The following LMBR1 variants were observed in gnomAD, a reference collection of about 807,000 sequenced individuals.
LMBR1 encodes limb development membrane protein 1.
LMBR1 carries 52 observed loss-of-function variants against 73.9 expected under a neutral mutation model. That is an observed-to-expected ratio of 0.70 (90% CI 0.56 to 0.89). LMBR1 has a LOEUF of 0.89. Among genes scored for constraint, LMBR1 ranks in the 40% least tolerant of loss-of-function variants. LMBR1 has a pLI of 0.00. For synonymous variants in LMBR1, 215 were observed against 209.4 expected (o/e 1.03, Z -0.23); for missense variants, 539 against 579.8 (o/e 0.93, Z 0.72).
chr7:156,804,164 A>T lies in LMBR1; in HGVS notation c.320-7672T>A, dbSNP rs114320530. ...AGAATAATAATAAAATAAAATAAAA[A>T]AAAGATGGATTTTCTAGAACATTAT... On this transcript the variant is annotated intron_variant, in intron 4 of 16. Transcript: ENST00000353442. Among the ~76,000 whole-genome samples, 144 of 152,248 alleles carry T rather than the reference A, an allele frequency of 9.5e-4. 1 individual carries two copies. Among genetic ancestry groups the T allele is most frequent in the Middle Eastern group, 3.4e-3 (1 of 294 alleles).
intron 1 of LMBR1, among the ~76,000 whole-genome samples, chr7:156,845,745 G>A (rs1839478363): frequency 6.6e-6 from 1 of 151,966 alleles, no homozygotes; most frequent in Non-Finnish European, 1.5e-5. Context: ...GAACTCCTGG[G>A]CTCAAGTGAT....
At chr7:156,763,078 C>T in intron 7 of LMBR1, 30 bp downstream of exon 7, 1 of 1,112,724 alleles carries the variant, frequency 9.0e-7, no homozygotes, top group Non-Finnish European at 1.3e-6. Flanking sequence ...CTCTACTTTT[C>T]TCTTAATATC....
chr7:156,797,679 T>C (rs1830281642), intron 4 of LMBR1, among the ~76,000 whole-genome samples: 3 of 152,210 alleles, frequency 2.0e-5, no homozygotes, highest in Admixed American at 1.3e-4. Context: ...TAATGTCCTT[T>C]GGAATAGCAT....
At chr7:156,797,021 T>C (rs1830158744) in intron 4 of LMBR1, among the ~76,000 whole-genome samples, 1 of 152,194 alleles carries the variant, frequency 6.6e-6, no homozygotes, top group Admixed American at 6.5e-5. Context: ...GCAGGTAGCA[T>C]TACTGCCCCA....
downstream of LMBR1, among the ~76,000 whole-genome samples, chr7:156,673,918 A>AAAAAG (rs1803187093): frequency 7.7e-6 from 1 of 129,906 alleles, no homozygotes; most frequent in South Asian, 2.3e-4. Context: ...AAAAAAAAAA[A>AAAAAG]AAAAGAAAAA....
At chr7:156,691,734 T>C (rs1807218365) in intron 15 of LMBR1, among the ~76,000 whole-genome samples, 1 of 151,048 alleles carries the variant, frequency 6.6e-6, no homozygotes, top group Non-Finnish European at 1.5e-5. Context: ...CACGTACATC[T>C]TGTTATTTTA....
chr7:156,724,019 A>G, intron 15 of LMBR1, 93 bp downstream of exon 15: 1 of 856,348 alleles, frequency 1.2e-6, no homozygotes, highest in Non-Finnish European at 1.8e-6. Flanking sequence ...TGTATTTCAA[A>G]GGTAATCTTT....
intron 15 of LMBR1, among the ~76,000 whole-genome samples, chr7:156,696,828 T>C (rs1808386003): frequency 6.6e-6 from 1 of 152,092 alleles, no homozygotes; most frequent in South Asian, 2.1e-4. Context: ...CAAAACCAAT[T>C]ATGCCTTCCC....
Position 156,802,412 on chromosome 7 carries a change from A to G in LMBR1, c.320-5920T>C, listed in dbSNP as rs546918702. Reference sequence around the variant, plus strand: ...TTTCCCAATGCCTGCTACAGTGCTGAGTAATCAATAAAAATGAGTTCCATA... The same window carrying G: ...TTTCCCAATGCCTGCTACAGTGCTGGGTAATCAATAAAAATGAGTTCCATA... On this transcript the variant is annotated intron_variant, in intron 4 of 16. Transcript: ENST00000353442. Among the ~76,000 whole-genome samples the G allele has an allele frequency of 1.3e-3, 203 of 152,358 alleles. 2 individuals are homozygous for G. Among genetic ancestry groups the G allele is most frequent in the African/African-American group, 4.1e-3 (169 of 41,576 alleles).
intron 5 of LMBR1, among the ~76,000 whole-genome samples, chr7:156,782,462 C>T (rs1240529828): frequency 6.6e-6 from 1 of 152,214 alleles, no homozygotes; most frequent in Non-Finnish European, 1.5e-5. Flanking sequence ...AATTCCTCCA[C>T]ATCCTTACCA....
At chr7:156,883,034 G>A (rs539315933) in intron 1 of LMBR1, among the ~76,000 whole-genome samples, 19 of 149,534 alleles carry the variant, frequency 1.3e-4, no homozygotes, top group African/African-American at 4.7e-4. Context: ...GACTCTGACT[G>A]AAAAAAAAAA....
intron 5 of LMBR1, among the ~76,000 whole-genome samples, chr7:156,769,449 C>T (rs1482852386): frequency 6.6e-6 from 1 of 152,150 alleles, no homozygotes; most frequent in Non-Finnish European, 1.5e-5. Flanking sequence ...TCCCTCTCAC[C>T]ACTGAGTTGA....
intron 14 of LMBR1, among the ~76,000 whole-genome samples, chr7:156,725,058 A>G (rs144870151): frequency 6.6e-6 from 1 of 152,326 alleles, no homozygotes; most frequent in Non-Finnish European, 1.5e-5. Context: ...AATTTGAAAT[A>G]CTTTGTCCCT....
intron 9 of LMBR1, among the ~76,000 whole-genome samples, chr7:156,734,738 A>G (rs1440457625): frequency 2.0e-5 from 3 of 152,242 alleles, no homozygotes; most frequent in African/African-American, 7.2e-5. Context: ...CTTAATTACA[A>G]AAGCAACTTG....
rs561543066 is a variant in LMBR1 at position 156,744,665 on chromosome 7, T to C, written c.758-10408A>G. On this transcript the variant is annotated intron_variant, in intron 9 of 16. Coordinates refer to ENST00000353442, the MANE Select transcript of LMBR1 (RefSeq NM_022458.4). ...AGTTCTTCCCCTTGATTCTGCAAGA[T>C]GATTAATTCAATTTTTGAAGGACTA... Among the ~76,000 whole-genome samples the C allele has an allele frequency of 3.3e-5, 5 of 152,338 alleles. No homozygotes were observed. The East Asian group carries it at 7.7e-4, about 24-fold the overall frequency.
rs1804880312 is a variant in LMBR1 at position 156,680,684 on chromosome 7, C to T, written c.*3394G>A. 1 of 156,854 alleles carries T rather than the reference C, an allele frequency of 6.4e-6. No homozygotes were observed. Among genetic ancestry groups the T allele is most frequent in the Non-Finnish European group, 1.4e-5 (1 of 71,446 alleles). The allele number at this position is 156,854 out of a possible 1,614,324, so 9.7% of individuals were successfully genotyped here. On this transcript the variant is annotated 3_prime_UTR_variant, in exon 17 of 17. Coordinates refer to ENST00000353442, the MANE Select transcript of LMBR1 (RefSeq NM_022458.4). ...TTGTGGGTTATAAGAAATTGATCTA[C>T]CAATAACTGCACAACAGAGAAAGAA...
intron 4 of LMBR1, among the ~76,000 whole-genome samples, chr7:156,805,430 T>C (rs1031456557): frequency 3.9e-5 from 6 of 152,006 alleles, no homozygotes; most frequent in Admixed American, 3.3e-4. Flanking sequence ...TGGTCAGGCT[T>C]GTCTCGAACT....
intron 4 of LMBR1, among the ~76,000 whole-genome samples, chr7:156,826,154 A>G (rs1479652859): frequency 6.6e-6 from 1 of 151,912 alleles, no homozygotes; most frequent in Admixed American, 6.6e-5. Flanking sequence ...TAATTTTTAT[A>G]TTTTTAGTAG....
At chr7:156,675,251 G>C (rs576479491), downstream of LMBR1, among the ~76,000 whole-genome samples, 2 of 151,464 alleles carry the variant, frequency 1.3e-5, no homozygotes, top group Non-Finnish European at 3.0e-5. Context: ...GGTGAGCTGA[G>C]GGTGGTCGGT....
Sources: allele counts gnomAD v4.1 joint callset (sites outside exome capture counted in the v4.1 genomes callset), GRCh38; gene constraint gnomAD v4.1.1; transcripts MANE v1.5; gene names NCBI Gene and HGNC (gene_info 2026-07-23, HGNC 2026-07-21).